The following NLGN4Y variants were observed in gnomAD, a reference collection of about 807,000 sequenced individuals.
NLGN4Y encodes neuroligin 4 Y-linked.
A neutral mutation model predicts 8.4 loss-of-function variants in NLGN4Y; 4 were observed. The observed-to-expected ratio is 0.48, with a 90% CI of 0.23 to 1.09. The LOEUF (loss-of-function observed/expected upper bound fraction) is 1.09, where lower values mean the gene tolerates loss of function less well. NLGN4Y is among the 50% of genes least tolerant of loss of function. The pLI is 0.19. For missense variants in NLGN4Y, 90 were observed against 192.3 expected (o/e 0.47, Z 3.15); for synonymous variants, 35 against 75.6 (o/e 0.46, Z 2.78).
chrY:14,770,058 A>G (rs754223357), intron 4 of NLGN4Y, among the ~76,000 whole-genome samples: 454 of 33,398 alleles, frequency 0.014, no homozygotes, highest in Non-Finnish European at 0.027. Context: ...CAGTCAGGGG[A>G]CTATAGATAA....
chrY:14,658,756 G>A, intron 2 of NLGN4Y, among the ~76,000 whole-genome samples: 1 of 32,756 alleles, frequency 3.1e-5, no homozygotes, highest in African/African-American at 1.2e-4. Flanking sequence ...CTTTGCCCAG[G>A]GTGTTCTTGA....
At chrY:14,806,353 A>G in intron 4 of NLGN4Y, among the ~76,000 whole-genome samples, 2 of 31,991 alleles carry the variant, frequency 6.3e-5, no homozygotes, top group African/African-American at 2.5e-4. Flanking sequence ...TGTGCTGTCT[A>G]CTCATGATGC....
chrY:14,546,813 G>A, intron 1 of NLGN4Y, among the ~76,000 whole-genome samples: 1 of 33,319 alleles, frequency 3.0e-5, no homozygotes, highest in Non-Finnish European at 7.4e-5. Flanking sequence ...CCAACACTAT[G>A]TTCAGTAGGA....
At chrY:14,664,826 A>G (rs945799753) in intron 2 of NLGN4Y, among the ~76,000 whole-genome samples, 1 of 34,003 alleles carries the variant, frequency 2.9e-5, no homozygotes, top group African/African-American at 1.1e-4. Flanking sequence ...TTTAATAGAT[A>G]CTTTTTATCC....
intron 4 of NLGN4Y, among the ~76,000 whole-genome samples, chrY:14,800,584 A>G (rs199833279): frequency 3.3e-5 from 1 of 30,143 alleles, no homozygotes; most frequent in Admixed American, 3.3e-4. Context: ...TATTCTCTCT[A>G]TATATATATT....
chrY:14,786,693 C>T, intron 4 of NLGN4Y, among the ~76,000 whole-genome samples: 1 of 32,959 alleles, frequency 3.0e-5, no homozygotes, highest in Non-Finnish European at 7.4e-5. Flanking sequence ...CAGAGGAATA[C>T]TTGTTTCCTG....
intron 4 of NLGN4Y, among the ~76,000 whole-genome samples, chrY:14,728,984 C>T: frequency 3.0e-5 from 1 of 33,278 alleles, no homozygotes; most frequent in African/African-American, 1.2e-4. Context: ...GTAATCATTA[C>T]CATGTTAGGT....
chrY:14,545,122 A>G, intron 1 of NLGN4Y, among the ~76,000 whole-genome samples: 1 of 33,105 alleles, frequency 3.0e-5, no homozygotes, highest in Non-Finnish European at 7.5e-5. Flanking sequence ...ATCGTTTTTT[A>G]TGGCTGCATA....
rs781708754 is a variant in NLGN4Y, at chrY:14,832,823, C to T, written c.1661+2304C>T. Among the ~76,000 whole-genome samples the T allele has an allele frequency of 8.9e-5, 3 of 33,801 alleles. No homozygotes were observed. The South Asian group carries it at 2.0e-3, about 22-fold the overall frequency. 90.7% of individuals were successfully genotyped at this position (33,801 alleles called of 37,273 possible). On this transcript the variant is annotated intron_variant, in intron 6 of 6. Transcript: ENST00000684976. ...GGGTGAGATCACAGGACCACGGCAG[C>T]GGGGCGAAATTAAAATTGCTAATGA...
intron 1 of NLGN4Y, among the ~76,000 whole-genome samples, chrY:14,610,174 T>C (rs755231462): frequency 1.3e-3 from 42 of 33,543 alleles, no homozygotes; most frequent in Non-Finnish European, 2.6e-3. Flanking sequence ...ACTGATTTTC[T>C]TGAAGGATTT....
At chrY:14,640,145 C>T in intron 2 of NLGN4Y, 3 of 117,249 alleles carry the variant, frequency 2.6e-5, no homozygotes, top group South Asian at 1.2e-4. Context: ...TACAGGAACT[C>T]GAAAGGTTTG....
intron 4 of NLGN4Y, among the ~76,000 whole-genome samples, chrY:14,733,016 C>T: frequency 3.0e-5 from 1 of 33,137 alleles, no homozygotes; most frequent in East Asian, 7.9e-4. Context: ...AGCCAAGAAC[C>T]TTATTTGACC....
At position 14,841,726 on chromosome Y, in the gene NLGN4Y, A is replaced by T; in HGVS notation, c.*464A>T. The T allele has an allele frequency of 8.2e-6, 1 of 122,016 alleles. No homozygotes were observed. Among genetic ancestry groups the T allele is most frequent in the South Asian group, 3.9e-5 (1 of 25,730 alleles). 30.4% of individuals were successfully genotyped at this position (122,016 alleles called of 400,897 possible). A position where few individuals can be genotyped will look rare whatever the true frequency, so the allele number is the denominator to read the frequency against. ...AAGACTCTATAGGCTTTTACACAGCACATGAAGCAGTAATCCAGAAAGAAG... is the reference window on the plus strand; with the variant it reads ...AAGACTCTATAGGCTTTTACACAGCTCATGAAGCAGTAATCCAGAAAGAAG... On this transcript the variant is annotated 3_prime_UTR_variant, in exon 7 of 7. Coordinates refer to ENST00000684976, the MANE Select transcript of NLGN4Y (RefSeq NM_001365588.1).
Position 14,684,495 on chromosome Y carries a change from C to G in NLGN4Y, c.473-34964C>G, listed in dbSNP as rs779732341. On this transcript the variant is annotated intron_variant, in intron 2 of 6. Coordinates refer to ENST00000684976, the MANE Select transcript of NLGN4Y (RefSeq NM_001365588.1). ...GAAGGTGAAGAGGAGCTGGTGTATGCAGAGATTACATGTCAAGAGAAGAAG... is the reference window on the plus strand; with the variant it reads ...GAAGGTGAAGAGGAGCTGGTGTATGGAGAGATTACATGTCAAGAGAAGAAG... 2.8e-3 allele frequency among the ~76,000 whole-genome samples: 92 copies of G among 32,484 alleles called. No homozygotes were observed. In the East Asian group the frequency reaches 0.06, roughly 21 times the overall value. 87.2% of individuals were successfully genotyped at this position (32,484 alleles called of 37,273 possible).
intron 4 of NLGN4Y, among the ~76,000 whole-genome samples, chrY:14,774,983 C>G (rs2081120338): frequency 6.2e-5 from 2 of 32,287 alleles, no homozygotes; most frequent in South Asian, 1.4e-3. Context: ...GGAAGGGGAA[C>G]ATCACGCACC....
At chrY:14,552,784 G>A in intron 1 of NLGN4Y, among the ~76,000 whole-genome samples, 1 of 33,434 alleles carries the variant, frequency 3.0e-5, no homozygotes, top group South Asian at 6.6e-4. Flanking sequence ...TCTAATAAGA[G>A]CTATTTATGA....
Position 14,747,374 on chromosome Y carries a change from A to G in NLGN4Y, c.685+24105A>G, listed in dbSNP as rs774648412. 1.8e-3 allele frequency among the ~76,000 whole-genome samples: 60 copies of G among 32,834 alleles called. No homozygotes were observed. In the East Asian group the frequency reaches 0.043, roughly 24 times the overall value. 88.1% of individuals were successfully genotyped at this position (32,834 alleles called of 37,273 possible). A position where few individuals can be genotyped will look rare whatever the true frequency, so the allele number is the denominator to read the frequency against. On this transcript the variant is annotated intron_variant, in intron 4 of 6. Transcript: ENST00000684976. ...TCTCTCTCTTGTTTCCTCTCTCGCC[A>G]TGTGATCTGTGCACACAGCAGCTCT...
chrY:14,602,883 G>C (rs2080433016), intron 1 of NLGN4Y, among the ~76,000 whole-genome samples: 1 of 32,788 alleles, frequency 3.0e-5, no homozygotes. Context: ...AATGTGGCCT[G>C]TCTGGGGATT....
At chrY:14,761,728 G>A (rs2081079977) in intron 4 of NLGN4Y, among the ~76,000 whole-genome samples, 20 of 34,115 alleles carry the variant, frequency 5.9e-4, no homozygotes, top group Non-Finnish European at 7.3e-5. Flanking sequence ...TGATATTTGG[G>A]ACTTCATAAT....
Sources: allele counts gnomAD v4.1 joint callset (sites outside exome capture counted in the v4.1 genomes callset), GRCh38; gene constraint gnomAD v4.1.1; transcripts MANE v1.5; gene names NCBI Gene and HGNC (gene_info 2026-07-23, HGNC 2026-07-21).